The following ENTPD1 variants were observed in gnomAD, a reference collection of about 807,000 sequenced individuals.
ENTPD1 encodes ATP diphosphohydrolase.
A neutral mutation model predicts 57.0 loss-of-function variants in ENTPD1; 33 were observed. That is an observed-to-expected ratio of 0.58 (90% CI 0.44 to 0.77). The LOEUF is 0.77. ENTPD1 is among the 30% of genes least tolerant of loss of function. ENTPD1 has a pLI of 0.00. For synonymous variants in ENTPD1, 202 were observed against 218.8 expected (o/e 0.92, Z 0.68); for missense variants, 501 against 603.4 (o/e 0.83, Z 1.78).
At chr10:95,714,983 C>G (rs970160804) in intron 1 of ENTPD1, among the ~76,000 whole-genome samples, 3 of 152,128 alleles carry the variant, frequency 2.0e-5, no homozygotes, top group Non-Finnish European at 4.4e-5. Flanking sequence ...TGAAAAGAAT[C>G]GTTAAGTTTT....
intron 1 of ENTPD1, among the ~76,000 whole-genome samples, chr10:95,724,444 C>T (rs1350318059): frequency 6.6e-6 from 1 of 152,156 alleles, no homozygotes; most frequent in African/African-American, 2.4e-5. Flanking sequence ...GCCTCTTGTT[C>T]TCTGACCTGG....
intron 1 of ENTPD1, among the ~76,000 whole-genome samples, chr10:95,774,214 T>C (rs1039148526): frequency 6.6e-6 from 1 of 152,370 alleles, no homozygotes; most frequent in South Asian, 2.1e-4. Flanking sequence ...AAGTTCTTTG[T>C]AGATTCTGGA....
chr10:95,817,175 C>G (rs1378196395), intron 1 of ENTPD1, among the ~76,000 whole-genome samples: 1 of 152,138 alleles, frequency 6.6e-6, no homozygotes, highest in Non-Finnish European at 1.5e-5. Context: ...TGATGATGGT[C>G]TCTCAGAAAA....
At chr10:95,780,394 C>T (rs1264143511) in intron 1 of ENTPD1, among the ~76,000 whole-genome samples, 1 of 152,164 alleles carries the variant, frequency 6.6e-6, no homozygotes, top group Non-Finnish European at 1.5e-5. Context: ...CAAATCACTG[C>T]ACACATGCGT....
chr10:95,809,334 G>A (rs1243115828), intron 1 of ENTPD1, among the ~76,000 whole-genome samples: 1 of 150,626 alleles, frequency 6.6e-6, no homozygotes, highest in Non-Finnish European at 1.5e-5. Context: ...AGATGGGGTG[G>A]CCGGGCAGAG....
intron 7 of ENTPD1, among the ~76,000 whole-genome samples, chr10:95,857,403 C>G (rs956317667): frequency 6.6e-6 from 1 of 152,010 alleles, no homozygotes; most frequent in Non-Finnish European, 1.5e-5. Context: ...AGAATAAGCT[C>G]TAGGATTAAT....
chr10:95,778,294 A>G (rs553947438), intron 1 of ENTPD1, among the ~76,000 whole-genome samples: 2 of 152,278 alleles, frequency 1.3e-5, no homozygotes, highest in South Asian at 4.1e-4. Flanking sequence ...GATGTTTCTA[A>G]TGACAGACAG....
At chr10:95,788,418 A>G (rs1459102577) in intron 1 of ENTPD1, among the ~76,000 whole-genome samples, 4 of 152,096 alleles carry the variant, frequency 2.6e-5, no homozygotes, top group Admixed American at 6.5e-5. Context: ...GGAGTTCGAG[A>G]CCAGCCTGGC....
chr10:95,725,663 A>C (rs1173500018), intron 1 of ENTPD1, among the ~76,000 whole-genome samples: 2 of 152,210 alleles, frequency 1.3e-5, no homozygotes, highest in Non-Finnish European at 2.9e-5. Context: ...GTGTTAAAAA[A>C]ACTGAGTCCA....
intron 1 of ENTPD1, among the ~76,000 whole-genome samples, chr10:95,785,926 G>A (rs1055433171): frequency 6.6e-6 from 1 of 152,238 alleles, no homozygotes; most frequent in Non-Finnish European, 1.5e-5. Flanking sequence ...AACAAATGGG[G>A]AAGAGGATGA....
intron 2 of ENTPD1, among the ~76,000 whole-genome samples, chr10:95,836,302 G>T (rs577426498): frequency 6.6e-6 from 1 of 152,010 alleles, no homozygotes; most frequent in Admixed American, 6.5e-5. Context: ...GGCTATTTGG[G>T]CTCTTTTTTG....
intron 7 of ENTPD1, among the ~76,000 whole-genome samples, chr10:95,849,838 G>A (rs912870300): frequency 3.3e-5 from 5 of 152,178 alleles, no homozygotes; most frequent in Admixed American, 2.0e-4. Context: ...TTTGGGCCAG[G>A]GCCCTTGCCT....
chr10:95,796,039 A>G (rs1180410517), intron 1 of ENTPD1, among the ~76,000 whole-genome samples: 1 of 152,206 alleles, frequency 6.6e-6, no homozygotes, highest in Non-Finnish European at 1.5e-5. Context: ...GAAGCTTACT[A>G]AAAATAGTGA....
At chr10:95,767,556 A>G (rs2098094680) in intron 1 of ENTPD1, among the ~76,000 whole-genome samples, 1 of 151,954 alleles carries the variant, frequency 6.6e-6, no homozygotes, top group Admixed American at 6.6e-5. Context: ...CTTTATTTGG[A>G]TATTAATAAT....
chr10:95,738,270 T>A (rs2097996710), intron 1 of ENTPD1, among the ~76,000 whole-genome samples: 1 of 152,230 alleles, frequency 6.6e-6, no homozygotes, highest in Admixed American at 6.5e-5. Context: ...TGCATGGTTG[T>A]CTGGTGATTA....
intron 8 of ENTPD1, 25 bp from the exon 9 acceptor site, chr10:95,864,699 G>T: frequency 6.2e-7 from 1 of 1,613,956 alleles, no homozygotes; most frequent in South Asian, 1.1e-5. Flanking sequence ...ATACGAGTAT[G>T]ATCTCCCCCT....
intron 1 of ENTPD1, among the ~76,000 whole-genome samples, chr10:95,715,478 GTTTTTTT>G (rs557244560): frequency 1.4e-5 from 2 of 139,514 alleles, no homozygotes; most frequent in African/African-American, 5.2e-5. Context: ...GTTAGATCTT[GTTTTTTT>G]TTTTAATACA....
chr10:95,843,309 A>T (rs1566225817), intron 4 of ENTPD1: 1 of 152,250 alleles, frequency 6.6e-6, no homozygotes, highest in Non-Finnish European at 1.5e-5. Context: ...AAGGTAGGGA[A>T]GTGTGAGAGG....
chr10:95,751,684 C>A (rs2098012240), upstream of ENTPD1, among the ~76,000 whole-genome samples: 1 of 146,386 alleles, frequency 6.8e-6, no homozygotes, highest in Non-Finnish European at 1.5e-5. Context: ...CACTGCACTC[C>A]AGCCTGGGCG....
Sources: allele counts gnomAD v4.1 joint callset (sites outside exome capture counted in the v4.1 genomes callset), GRCh38; gene constraint gnomAD v4.1.1; transcripts MANE v1.5; gene names NCBI Gene and HGNC (gene_info 2026-07-23, HGNC 2026-07-21).